The following BMERB1 variants were observed in gnomAD, a reference collection of about 807,000 sequenced individuals.
The protein encoded by BMERB1 is bMERB domain-containing protein 1.
In BMERB1, 12 loss-of-function variants were observed where a neutral mutation model predicts 23.6. That is an observed-to-expected ratio of 0.51 (90% CI 0.33 to 0.82). The LOEUF is 0.82. Ranked by LOEUF, BMERB1 falls within the 40% of genes least tolerant of loss-of-function variation. The probability of loss-of-function intolerance (pLI) is 0.03; values close to 1 mark genes in which losing one functional copy is unlikely to be tolerated. For synonymous variants in BMERB1, 122 were observed against 96.6 expected (o/e 1.26, Z -1.54); for missense variants, 247 against 255.4 (o/e 0.97, Z 0.22).
At chr16:15,555,465 G>A (rs1204187739) in intron 2 of BMERB1, among the ~76,000 whole-genome samples, 2 of 152,156 alleles carry the variant, frequency 1.3e-5, no homozygotes, top group Non-Finnish European at 2.9e-5. Context: ...AAAGCCCTTG[G>A]AAGAGAGAAG....
At chr16:15,558,744 G>C (rs2030338934) in intron 2 of BMERB1, among the ~76,000 whole-genome samples, 1 of 151,726 alleles carries the variant, frequency 6.6e-6, no homozygotes, top group Non-Finnish European at 1.5e-5. Context: ...TTGGCTGCTT[G>C]ACTTTTAGCT....
chr16:15,507,238 C>G (rs545378162), intron 1 of BMERB1, among the ~76,000 whole-genome samples: 2 of 152,328 alleles, frequency 1.3e-5, no homozygotes, highest in African/African-American at 4.8e-5. Flanking sequence ...ATCACCAGCC[C>G]TCATCCTCTA....
At chr16:15,584,062 G>A (rs962131414) in intron 5 of BMERB1, 3 of 702,138 alleles carry the variant, frequency 4.3e-6, no homozygotes, top group Non-Finnish European at 7.8e-6. Context: ...AACCTCATCA[G>A]ATCCTCAGAG....
rs142231752 is a variant in BMERB1, at chr16:15,487,028, A to G, written c.107-28277A>G. Among the ~76,000 whole-genome samples, 189 of 152,336 alleles carry G rather than the reference A, an allele frequency of 1.2e-3. 1 individual carries two copies. Among genetic ancestry groups the G allele is most frequent in the South Asian group, 3.1e-3 (15 of 4,830 alleles). On this transcript the variant is annotated intron_variant, in intron 1 of 5. Coordinates refer to ENST00000300006, the MANE Select transcript of BMERB1 (RefSeq NM_033201.3). ...TGTAAAGTTCATTTCATTATGACAG[A>G]TTGTTTTTCAGATTATTCAAAATAT...
intron 1 of BMERB1, among the ~76,000 whole-genome samples, chr16:15,474,835 G>A (rs2051261677): frequency 1.3e-5 from 2 of 152,026 alleles, no homozygotes; most frequent in African/African-American, 4.8e-5. Flanking sequence ...ATACAGGCAT[G>A]CACCACCACG....
chr16:15,496,776 G>C (rs867315575), intron 1 of BMERB1, among the ~76,000 whole-genome samples: 3 of 152,086 alleles, frequency 2.0e-5, no homozygotes, highest in African/African-American at 7.2e-5. Context: ...CTGACCTCGT[G>C]ATCTGCCCGC....
intron 1 of BMERB1, among the ~76,000 whole-genome samples, chr16:15,470,628 C>T (rs1270106729): frequency 2.6e-5 from 4 of 151,102 alleles, no homozygotes; most frequent in Admixed American, 6.6e-5. Context: ...CAGGTTCAAG[C>T]GATTCCCCTG....
chr16:15,523,074 G>C (rs536082429), intron 2 of BMERB1, among the ~76,000 whole-genome samples: 2 of 152,268 alleles, frequency 1.3e-5, no homozygotes, highest in East Asian at 1.9e-4. Flanking sequence ...GAAGCCAGAA[G>C]GGGATGGAGT....
rs144311538 is a variant in BMERB1, at chr16:15,554,353, C to G, written c.231-13630C>G. Among the ~76,000 whole-genome samples the G allele has an allele frequency of 3.4e-3, 516 of 152,252 alleles. 3 individuals carry two copies. The highest frequency in any genetic ancestry group is 0.012 in the African/African-American group (500 of 41,546). On this transcript the variant is annotated intron_variant, in intron 2 of 5. Transcript: ENST00000300006. ...TAGTCCTTACCTCATAGAGTTGCTG[C>G]AAGAGTTCACTGAGATGATTTGTGT...
intron 2 of BMERB1, among the ~76,000 whole-genome samples, chr16:15,548,227 T>G (rs1002438761): frequency 7.2e-5 from 11 of 152,118 alleles, no homozygotes; most frequent in African/African-American, 2.7e-4. Context: ...TCAAGTGATC[T>G]GCTGGTCTTG....
At chr16:15,473,888 G>A (rs2051252996) in intron 1 of BMERB1, among the ~76,000 whole-genome samples, 2 of 152,122 alleles carry the variant, frequency 1.3e-5, no homozygotes, top group Middle Eastern at 3.4e-3. Flanking sequence ...GGGAGGCCGA[G>A]GCAGGCGGAT....
At chr16:15,475,606 A>G (rs1040484753) in intron 1 of BMERB1, among the ~76,000 whole-genome samples, 3 of 152,212 alleles carry the variant, frequency 2.0e-5, no homozygotes, top group African/African-American at 4.8e-5. Context: ...TGAATGGAGT[A>G]TGTCAACCAG....
At chr16:15,509,837 G>A (rs1379590077) in intron 1 of BMERB1, among the ~76,000 whole-genome samples, 1 of 152,246 alleles carries the variant, frequency 6.6e-6, no homozygotes, top group East Asian at 1.9e-4. Context: ...ATCAGAATGT[G>A]ACCTTATTTG....
chr16:15,473,793 T>G (rs919994764), intron 1 of BMERB1, among the ~76,000 whole-genome samples: 2 of 152,184 alleles, frequency 1.3e-5, no homozygotes, highest in Non-Finnish European at 2.9e-5. Context: ...AAAGGAGAAC[T>G]TGACTGTCAT....
chr16:15,556,389 C>T (rs929431733), intron 2 of BMERB1, among the ~76,000 whole-genome samples: 4 of 151,956 alleles, frequency 2.6e-5, no homozygotes. Context: ...CATACAACCC[C>T]AAGACAAAGG....
chr16:15,440,381 T>G (rs1270659871), intron 1 of BMERB1, among the ~76,000 whole-genome samples: 1 of 151,848 alleles, frequency 6.6e-6, no homozygotes, highest in South Asian at 2.1e-4. Flanking sequence ...GACTACTATT[T>G]AAAAGTTCAA....
intron 1 of BMERB1, among the ~76,000 whole-genome samples, chr16:15,510,991 C>T (rs2051657533): frequency 2.6e-5 from 4 of 152,062 alleles, no homozygotes; most frequent in Admixed American, 2.6e-4. Flanking sequence ...CGTGAGCCAC[C>T]GTGCCCAGCC....
intron 1 of BMERB1, among the ~76,000 whole-genome samples, chr16:15,488,823 A>AG (rs1230726263): frequency 2.0e-5 from 3 of 151,670 alleles, no homozygotes; most frequent in African/African-American, 7.3e-5. Context: ...GTCTCAAAAA[A>AG]AAAAAAAACA....
chr16:15,446,451 G>A (rs533122270), intron 1 of BMERB1, among the ~76,000 whole-genome samples: 2 of 152,264 alleles, frequency 1.3e-5, no homozygotes, highest in African/African-American at 4.8e-5. Flanking sequence ...CTTCCTATGA[G>A]CCACTGTGTG....
Sources: gnomAD v4.1 joint callset for allele counts (sites outside exome capture counted in the v4.1 genomes callset) on GRCh38, gnomAD v4.1.1 for gene constraint, MANE v1.5 for transcripts, NCBI Gene and HGNC (gene_info 2026-07-23, HGNC 2026-07-21) for gene names.